Variants in GABRR3 observed in about 807,000 individuals in gnomAD.
The protein encoded by GABRR3 is gamma-aminobutyric acid type A receptor subunit rho3.
A neutral mutation model predicts 43.2 loss-of-function variants in GABRR3; 29 were observed. The observed-to-expected ratio is 0.67, with a 90% CI of 0.50 to 0.92. The LOEUF is 0.92. Among genes scored for constraint, GABRR3 ranks in the 40% least tolerant of loss-of-function variants. The pLI, the probability that GABRR3 is intolerant of heterozygous loss-of-function variation, is 0.00. For missense variants in GABRR3, 576 were observed against 572.3 expected (o/e 1.01, Z -0.07); for synonymous variants, 206 against 195.9 (o/e 1.05, Z -0.43).
intron 2 of GABRR3, among the ~76,000 whole-genome samples, chr3:98,032,388 T>A (rs1196561921): frequency 6.6e-6 from 1 of 152,222 alleles, no homozygotes; most frequent in African/African-American, 2.4e-5. Context: ...ACTCTGCTGA[T>A]TATTTTCAAG....
chr3:97,995,939 T>C (rs145685911), intron 8 of GABRR3, among the ~76,000 whole-genome samples: 34 of 152,232 alleles, frequency 2.2e-4, no homozygotes, highest in Non-Finnish European at 3.1e-4. Context: ...GAAAGTGTTA[T>C]GAGAAAATAT....
At chr3:97,985,361 T>C (rs1218657591), downstream of GABRR3, among the ~76,000 whole-genome samples, 2 of 152,248 alleles carry the variant, frequency 1.3e-5, no homozygotes, top group East Asian at 3.8e-4. Context: ...TACTATGGGA[T>C]AAATACATTT....
intron 8 of GABRR3, among the ~76,000 whole-genome samples, chr3:97,993,481 A>G (rs1019845919): frequency 6.6e-6 from 1 of 152,070 alleles, no homozygotes; most frequent in Admixed American, 6.6e-5. Context: ...TTAATATTTC[A>G]TGCTTCCGGG....
intron 7 of GABRR3, among the ~76,000 whole-genome samples, chr3:98,006,601 G>A (rs1706726412): frequency 6.6e-6 from 1 of 152,192 alleles, no homozygotes. Flanking sequence ...CCACTATCAA[G>A]GCAGAGTAGG....
intron 1 of GABRR3, 67 bp downstream of exon 1, chr3:98,035,123 G>T: frequency 1.9e-6 from 2 of 1,043,908 alleles, no homozygotes; most frequent in Non-Finnish European, 2.7e-6. Flanking sequence ...GAAAGACATT[G>T]TCTTCAATGC....
At chr3:98,002,002 G>A (rs1464510028) in intron 7 of GABRR3, among the ~76,000 whole-genome samples, 2 of 152,084 alleles carry the variant, frequency 1.3e-5, no homozygotes, top group East Asian at 3.9e-4. Context: ...GCAGTTCAGG[G>A]ATGAATAGTG....
At chr3:98,013,666 G>T (rs537441442) in intron 4 of GABRR3, among the ~76,000 whole-genome samples, 11 of 152,252 alleles carry the variant, frequency 7.2e-5, no homozygotes, top group Admixed American at 3.3e-4. Context: ...TTTGTCCTAG[G>T]TTCAGAATAG....
intron 9 of GABRR3, among the ~76,000 whole-genome samples, chr3:97,988,658 G>T (rs537401983): frequency 6.0e-5 from 9 of 150,060 alleles, no homozygotes; most frequent in Non-Finnish European, 1.3e-4. Context: ...GATGGTGGGT[G>T]GTGTTGGGTG....
intron 3 of GABRR3, among the ~76,000 whole-genome samples, chr3:98,018,552 C>T (rs994438756): frequency 3.9e-5 from 6 of 152,028 alleles, no homozygotes; most frequent in East Asian, 1.9e-4. Flanking sequence ...ACCTAACAAA[C>T]GATTTCACCA....
intron 2 of GABRR3, among the ~76,000 whole-genome samples, chr3:98,031,283 T>C (rs1707083848): frequency 6.6e-6 from 1 of 152,158 alleles, no homozygotes; most frequent in Non-Finnish European, 1.5e-5. Flanking sequence ...AGTTTCCTCA[T>C]CTGTGAAATG....
chr3:97,988,938 T>G, intron 9 of GABRR3, among the ~76,000 whole-genome samples: 1 of 134,154 alleles, frequency 7.5e-6, no homozygotes, highest in African/African-American at 2.8e-5. Flanking sequence ...TGAGTGGGGA[T>G]GGTGGTGGTG....
chr3:97,993,777 C>T (rs767978549), intron 8 of GABRR3, among the ~76,000 whole-genome samples: 2 of 151,968 alleles, frequency 1.3e-5, no homozygotes, highest in Non-Finnish European at 2.9e-5. Context: ...TCCTTCTCTT[C>T]CCTTCTTCTC....
intron 9 of GABRR3, among the ~76,000 whole-genome samples, chr3:97,989,984 C>T (rs1706440636): frequency 1.3e-5 from 2 of 152,076 alleles, no homozygotes; most frequent in African/African-American, 4.8e-5. Flanking sequence ...TATATATATA[C>T]AGGTGTCATC....
chr3:97,999,673 G>A (rs1224898789), intron 8 of GABRR3: 1 of 152,140 alleles, frequency 6.6e-6, no homozygotes, highest in Non-Finnish European at 1.5e-5. Context: ...CTAATGCATT[G>A]TGTGTGTAGT....
Position 97,988,676 on chromosome 3 carries a change from T to C in GABRR3, c.1105-1694A>G, listed in dbSNP as rs182070918. ...GGTGGGTGGTGTTGGGTGGTGGTGG[T>C]TATGGTGGAGAGTGGTGGTGATATG... On this transcript the variant is annotated intron_variant, in intron 9 of 9. Coordinates refer to ENST00000621172, the Ensembl canonical transcript of GABRR3. 4.9e-3 allele frequency among the ~76,000 whole-genome samples: 666 copies of C among 136,820 alleles called. 5 individuals are homozygous for C. The highest frequency in any genetic ancestry group is 0.017 in the African/African-American group (628 of 35,980). 89.8% of individuals were successfully genotyped at this position (136,820 alleles called of 152,430 possible). A position where few individuals can be genotyped will look rare whatever the true frequency, so the allele number is the denominator to read the frequency against.
At chr3:97,988,160 G>A (rs890488635) in intron 9 of GABRR3, among the ~76,000 whole-genome samples, 6 of 151,968 alleles carry the variant, frequency 3.9e-5, no homozygotes, top group Non-Finnish European at 8.8e-5. Flanking sequence ...GGGACCCGAA[G>A]AGTAATATGT....
intron 2 of GABRR3, among the ~76,000 whole-genome samples, chr3:98,028,197 A>G (rs958490698): frequency 1.3e-5 from 2 of 152,170 alleles, no homozygotes; most frequent in Non-Finnish European, 2.9e-5. Context: ...GCAAATGGGT[A>G]TTACTCATTG....
chr3:98,034,811 T>C, intron 2 of GABRR3, 52 bp downstream of exon 2: 1 of 1,604,276 alleles, frequency 6.2e-7, no homozygotes, highest in Non-Finnish European at 8.5e-7. Context: ...CTGAGACAAC[T>C]GTTGAGAGAA....
downstream of GABRR3, among the ~76,000 whole-genome samples, chr3:97,986,229 G>T (rs1392512509): frequency 1.3e-5 from 2 of 152,190 alleles, no homozygotes; most frequent in Non-Finnish European, 2.9e-5. Context: ...TCCTTCATAG[G>T]ATTCTCAGCT....
Sources: gnomAD v4.1 joint callset for allele counts (sites outside exome capture counted in the v4.1 genomes callset) on GRCh38, gnomAD v4.1.1 for gene constraint, MANE v1.5 for transcripts, NCBI Gene and HGNC (gene_info 2026-07-23, HGNC 2026-07-21) for gene names.